TECTA: variants seen among roughly 807,000 people sequenced by gnomAD.
TECTA encodes alpha-tectorin.
Under a neutral mutation model 216.8 loss-of-function variants are expected in TECTA, and 128 were observed. The observed-to-expected ratio is 0.59, with a 90% confidence interval of 0.51 to 0.68. The LOEUF (loss-of-function observed/expected upper bound fraction) is 0.68. Ranked by LOEUF, TECTA falls within the 30% of genes least tolerant of loss-of-function variation. The probability of loss-of-function intolerance (pLI) is 0.00; values close to 1 mark genes in which losing one functional copy is unlikely to be tolerated. For missense variants in TECTA, 2,551 were observed against 2,786.2 expected (o/e 0.92, Z 1.90); for synonymous variants, 1,089 against 1,117.1 (o/e 0.97, Z 0.50).
At chr11:121,188,386 T>C (rs901938549) in intron 21 of TECTA, among the ~76,000 whole-genome samples, 2 of 152,318 alleles carry the variant, frequency 1.3e-5, no homozygotes, top group South Asian at 4.1e-4. Flanking sequence ...ATGTTGCCAG[T>C]TGGCCTGGTT....
In TECTA at chr11:121,145,535, C is replaced by A; in HGVS notation, c.3544-20C>A. The A allele has an allele frequency of 6.2e-7, 1 of 1,613,368 alleles. No individual in the cohort carries two copies. Among genetic ancestry groups the A allele is most frequent in the South Asian group, 1.1e-5 (1 of 91,052 alleles). On this transcript the variant is annotated intron_variant, in intron 11 of 23. Transcript: ENST00000392793. ...TCTCTGGGCCAACTGTGTTTCTCCA[C>A]CTCATCTCTCCTCTTACAGGTCAAC...
At chr11:121,152,577 T>C (rs1946900834) in intron 12 of TECTA, among the ~76,000 whole-genome samples, 2 of 152,078 alleles carry the variant, frequency 1.3e-5, no homozygotes, top group East Asian at 1.9e-4. Flanking sequence ...GAGATTCAGA[T>C]GGGCGGTGGG....
Position 121,146,017 on chromosome 11 carries a change from G to A in TECTA, c.4006G>A (p.Gly1336Ser). 1 of 1,614,072 alleles carries A rather than the reference G, an allele frequency of 6.2e-7. No homozygotes were observed. Among genetic ancestry groups the A allele is most frequent in the East Asian group, 2.2e-5 (1 of 44,884 alleles). The stretch of plus-strand genomic sequence containing the variant: ...CCTGTTTGACTCTTGCATCGATGGG[G>A]GCGCGGTGCAGACCGCCTGCAGCTG... ...NCLFDSCIDGGAVQTACSWLQ... is the reference protein window; with the variant it reads ...NCLFDSCIDGSAVQTACSWLQ... The change falls in exon 12 of 24, where the codon GGC becomes AGC. Residue 1336 changes from glycine (G) to serine (S), a missense_variant. Gly to Ser is a moderately conservative substitution (Grantham distance 56, BLOSUM62 0). This residue lies in a region of TECTA where 2,375 missense variants were observed against 2,563.9 expected (regional missense o/e 0.93). Transcript: ENST00000392793.
chr11:121,167,982 A>T, intron 18 of TECTA, 72 bp from the exon 19 acceptor site: 1 of 1,562,894 alleles, frequency 6.4e-7, no homozygotes, highest in Non-Finnish European at 8.8e-7. Context: ...ACTTTCAGGG[A>T]TATGGATTTG....
At chr11:121,168,438 T>C (rs1294008074) in intron 19 of TECTA, 10 of 826,728 alleles carry the variant, frequency 1.2e-5, no homozygotes, top group Non-Finnish European at 1.7e-5. Context: ...ATGTGGCTGC[T>C]CAGCACTTGA....
At chr11:121,166,912 C>A in intron 18 of TECTA, 132 bp downstream of exon 18, 1 of 961,902 alleles carries the variant, frequency 1.0e-6, no homozygotes, top group South Asian at 1.4e-5. Flanking sequence ...CAGCAATAGG[C>A]ATGTGCAACA....
chr11:121,120,639 A>G (rs1436028108), intron 7 of TECTA, among the ~76,000 whole-genome samples: 1 of 152,236 alleles, frequency 6.6e-6, no homozygotes, highest in Non-Finnish European at 1.5e-5. Context: ...TGGGTTCTGT[A>G]CATGGATTTT....
intron 20 of TECTA, among the ~76,000 whole-genome samples, chr11:121,180,955 C>G (rs1947222330): frequency 6.6e-6 from 1 of 151,714 alleles, no homozygotes; most frequent in South Asian, 2.1e-4. Flanking sequence ...ATCATGAGGT[C>G]AGGAGATTGA....
chr11:121,125,236 A>G (rs1946596327), intron 7 of TECTA, 66 bp from the exon 8 acceptor site: 2 of 1,521,704 alleles, frequency 1.3e-6, no homozygotes, highest in Middle Eastern at 1.8e-4. Context: ...TCCTTTCCTG[A>G]TCTCTGCTGG....
At chr11:121,124,657 T>G (rs575837942) in intron 7 of TECTA, among the ~76,000 whole-genome samples, 2 of 152,192 alleles carry the variant, frequency 1.3e-5, no homozygotes, top group South Asian at 4.1e-4. Flanking sequence ...GCAGGGGCAA[T>G]TATGTTTTTT....
At chr11:121,106,741 C>T (rs1005588711) in intron 3 of TECTA, among the ~76,000 whole-genome samples, 2 of 152,148 alleles carry the variant, frequency 1.3e-5, no homozygotes, top group African/African-American at 4.8e-5. Flanking sequence ...ACGTCTGGGA[C>T]CTCTCTCTTC....
At chr11:121,180,035 C>A in intron 20 of TECTA, among the ~76,000 whole-genome samples, 1 of 149,166 alleles carries the variant, frequency 6.7e-6, no homozygotes, top group Non-Finnish European at 1.5e-5. Context: ...ATTTAATCTG[C>A]TTATATTCAA....
intron 20 of TECTA, among the ~76,000 whole-genome samples, chr11:121,170,225 A>G (rs118170232): frequency 0.011 from 1,639 of 152,276 alleles, 9 homozygotes; most frequent in Non-Finnish European, 0.018. Context: ...TTGTGTATAT[A>G]TATCACATTT....
chr11:121,184,190 T>C (rs1443079319), intron 20 of TECTA, among the ~76,000 whole-genome samples: 1 of 152,238 alleles, frequency 6.6e-6, no homozygotes, highest in African/African-American at 2.4e-5. Flanking sequence ...ATTTAATGGT[T>C]ACAACACCAA....
intron 12 of TECTA, among the ~76,000 whole-genome samples, chr11:121,149,547 G>A (rs1946870226): frequency 6.6e-6 from 1 of 152,194 alleles, no homozygotes; most frequent in Non-Finnish European, 1.5e-5. Flanking sequence ...TGATGAGGGA[G>A]ATATTATGAT....
At position 121,162,306 on chromosome 11, in the gene TECTA, C is replaced by G; in HGVS notation, c.5208C>G (p.Ala1736=). The G allele has an allele frequency of 6.2e-7, 1 of 1,613,302 alleles. No individual in the cohort carries two copies. The highest frequency in any genetic ancestry group is 8.5e-7 in the Non-Finnish European group (1 of 1,180,042). The change falls in exon 16 of 24, where the codon GCC becomes GCG. Residue 1736 remains alanine, a synonymous_variant. Coordinates refer to ENST00000392793, the MANE Select transcript of TECTA (RefSeq NM_005422.4). ...TCCAGCTGTGCGGCTCCCTGGCCGC[C>G]TACGGGGAGGCCTGCCGCTCCTTCG... ...KKFQLCGSLA[A]YGEACRSFGI...
intron 20 of TECTA, among the ~76,000 whole-genome samples, chr11:121,179,455 A>G (rs1947203315): frequency 6.6e-6 from 1 of 152,162 alleles, no homozygotes; most frequent in Non-Finnish European, 1.5e-5. Flanking sequence ...GGCCTAACAT[A>G]CGGTCTATCT....
intron 11 of TECTA, among the ~76,000 whole-genome samples, chr11:121,138,386 T>TC (rs769485396): frequency 9.9e-5 from 15 of 152,170 alleles, no homozygotes; most frequent in Non-Finnish European, 1.3e-4. Flanking sequence ...GCTTGGCCAC[T>TC]CCATCTGTAA....
rs752648609 is a variant in TECTA at position 121,157,870 on chromosome 11, C to A, written c.4335C>A (p.Cys1445Ter). 1.2e-6 allele frequency: 2 copies of A among 1,614,112 alleles called. No individual in the cohort carries two copies. The highest frequency in any genetic ancestry group is 1.7e-5 in the Admixed American group (1 of 60,014). ...AGCAGCTATTTTGGAACAGCGACTGCACGCGGCGCTGCCGCTGTTTCCGTC... is the reference window on the plus strand; with the variant it reads ...AGCAGCTATTTTGGAACAGCGACTGAACGCGGCGCTGCCGCTGTTTCCGTC... The part of the protein sequence containing the change: ...EPKQLFWNSD[C>*]TRRCRCFRRN... The change falls in exon 14 of 24, where the codon TGC becomes TGA. Residue 1445 changes from cysteine to a stop codon, truncating the protein, a stop_gained. Transcript: ENST00000392793. LOFTEE classifies it high-confidence loss of function.
Sources: gnomAD v4.1 joint callset for allele counts (sites outside exome capture counted in the v4.1 genomes callset) on GRCh38, gnomAD v4.1.1 for gene constraint, gnomAD v4.1.1 regional missense constraint, MANE v1.5 for transcripts, NCBI Gene and HGNC (gene_info 2026-07-23, HGNC 2026-07-21) for gene names.